CFAP90: variants seen among roughly 807,000 people sequenced by gnomAD.
The protein encoded by CFAP90 is cilia- and flagella-associated protein 90.
At chr5:7,850,618 G>T in the CFAP90 span, among the ~76,000 whole-genome samples, 1 of 111,854 alleles carries the variant, frequency 8.9e-6, no homozygotes, top group Admixed American at 9.3e-5. Context: ...CTCCCCTAAG[G>T]TGAGCCCCGC....
the CFAP90 span, among the ~76,000 whole-genome samples, chr5:7,845,884 C>T: frequency 3.3e-5 from 5 of 151,892 alleles, no homozygotes; most frequent in East Asian, 5.8e-4. Flanking sequence ...ACTCTGTGGG[C>T]TCCCTGAAGG....
chr5:7,834,579 A>C, the CFAP90 span, among the ~76,000 whole-genome samples: 2 of 152,056 alleles, frequency 1.3e-5, no homozygotes. Context: ...TTCACTCACC[A>C]CTCACTCCCT....
chr5:7,832,088 C>T, the CFAP90 span: 1 of 1,533,698 alleles, frequency 6.5e-7, no homozygotes, highest in Non-Finnish European at 8.9e-7. Flanking sequence ...CACAGCTCAC[C>T]CGTGCATCCA....
chr5:7,833,725 T>G, the CFAP90 span, among the ~76,000 whole-genome samples: 1 of 152,220 alleles, frequency 6.6e-6, no homozygotes, highest in African/African-American at 2.4e-5. Flanking sequence ...TACTCAATGA[T>G]GGATCTCATA....
At chr5:7,833,320 T>C in the CFAP90 span, among the ~76,000 whole-genome samples, 3 of 152,064 alleles carry the variant, frequency 2.0e-5, no homozygotes, top group Admixed American at 1.3e-4. Context: ...CACATGTACA[T>C]GCATACAATA....
At chr5:7,837,644 A>G in the CFAP90 span, among the ~76,000 whole-genome samples, 4 of 152,242 alleles carry the variant, frequency 2.6e-5, no homozygotes, top group Non-Finnish European at 5.9e-5. Flanking sequence ...CAAATCATTC[A>G]CAGATCATCT....
chr5:7,841,989 A>T, the CFAP90 span, among the ~76,000 whole-genome samples: 1 of 152,174 alleles, frequency 6.6e-6, no homozygotes, highest in South Asian at 2.1e-4. Flanking sequence ...AAATTAGAAA[A>T]AAAAAATCCT....
the CFAP90 span, among the ~76,000 whole-genome samples, chr5:7,840,772 G>C: frequency 2.6e-5 from 4 of 152,252 alleles, no homozygotes; most frequent in East Asian, 7.7e-4. Context: ...ATTATGGTGA[G>C]GTCATACTGG....
At chr5:7,835,586 C>T in the CFAP90 span, 7 of 746,322 alleles carry the variant, frequency 9.4e-6, no homozygotes, top group Non-Finnish European at 1.6e-5. Flanking sequence ...AGTTCTTTCC[C>T]AAGGGAGGCT....
the CFAP90 span, among the ~76,000 whole-genome samples, chr5:7,840,481 C>T: frequency 2.0e-5 from 3 of 152,082 alleles, no homozygotes; most frequent in African/African-American, 7.2e-5. Context: ...TAGTTATGAA[C>T]CACAGAAAAA....
the CFAP90 span, among the ~76,000 whole-genome samples, chr5:7,837,105 A>G: frequency 6.6e-6 from 1 of 152,182 alleles, no homozygotes; most frequent in Admixed American, 6.5e-5. Flanking sequence ...TATTTAATAT[A>G]CATGTATATA....
chr5:7,838,549 C>A, the CFAP90 span, among the ~76,000 whole-genome samples: 1 of 152,190 alleles, frequency 6.6e-6, no homozygotes, highest in Non-Finnish European at 1.5e-5. Context: ...GACATTGCCA[C>A]CCAGACCTTT....
chr5:7,831,951 G>C, the CFAP90 span: 12 of 1,614,136 alleles, frequency 7.4e-6, 1 homozygote, highest in South Asian at 1.1e-4. Flanking sequence ...CCAAAGTCCC[G>C]GTTTAGGGGC....
the CFAP90 span, chr5:7,831,083 T>G: frequency 6.6e-6 from 1 of 152,200 alleles, no homozygotes; most frequent in Non-Finnish European, 1.5e-5. Flanking sequence ...TCTGCTCATG[T>G]AGATGATATG....
the CFAP90 span, among the ~76,000 whole-genome samples, chr5:7,849,111 T>G: frequency 6.6e-6 from 1 of 152,196 alleles, no homozygotes; most frequent in Non-Finnish European, 1.5e-5. Flanking sequence ...AAATTCTATT[T>G]CCAAATAAGT....
the CFAP90 span, among the ~76,000 whole-genome samples, chr5:7,843,556 A>G: frequency 6.6e-6 from 1 of 152,130 alleles, no homozygotes; most frequent in Admixed American, 6.5e-5. Flanking sequence ...TTCTACATTC[A>G]TCTATGTGCT....
the CFAP90 span, among the ~76,000 whole-genome samples, chr5:7,837,304 C>A: frequency 1.3e-5 from 2 of 152,120 alleles, no homozygotes; most frequent in African/African-American, 4.8e-5. Flanking sequence ...TTAATCTTCA[C>A]CTTGTAGGTC....
chr5:7,850,803 C>T, the CFAP90 span: 16 of 820,306 alleles, frequency 2.0e-5, no homozygotes, highest in Non-Finnish European at 6.2e-6. Context: ...CGCCCAGCCG[C>T]CCAGCCGCCC....
the CFAP90 span, among the ~76,000 whole-genome samples, chr5:7,835,895 T>C: frequency 6.6e-6 from 1 of 152,180 alleles, no homozygotes; most frequent in Non-Finnish European, 1.5e-5. Context: ...GGGTGACTTA[T>C]AGGCAACAGC....
Sources: gnomAD v4.1 joint callset for allele counts (sites outside exome capture counted in the v4.1 genomes callset) on GRCh38, gnomAD v4.1.1 for gene constraint, MANE v1.5 for transcripts, NCBI Gene and HGNC (gene_info 2026-07-23, HGNC 2026-07-21) for gene names.